KIF21B: variants seen among roughly 807,000 people sequenced by gnomAD.
KIF21B encodes kinesin-like protein KIF21B.
Under a neutral mutation model 192.9 loss-of-function variants are expected in KIF21B, and 85 were observed. The observed-to-expected ratio is 0.44, with a 90% CI of 0.37 to 0.53. KIF21B has a LOEUF of 0.53. Among genes scored for constraint, KIF21B ranks in the 20% least tolerant of loss-of-function variants. KIF21B has a pLI of 0.00. For missense variants in KIF21B, 1,716 were observed against 2,194.8 expected, an observed-to-expected ratio of 0.78 and a Z score of 4.36; for synonymous variants, 832 against 884.6, an observed-to-expected ratio of 0.94 and a Z score of 1.05.
At position 200,975,055 on chromosome 1, in the gene KIF21B, C is replaced by G; in HGVS notation, c.4615-142G>C. ...GCCACACGGGCGGGTGACACTGGTT[C>G]CAGGAGCCATGCTGGGGTGGCCTGT... On this transcript the variant is annotated intron_variant, in intron 33 of 34. Transcript: ENST00000461742. The surrounding 1 kb of genome is among the most constrained non-coding windows in gnomAD (Gnocchi z 4.3). The G allele has an allele frequency of 1.3e-6, 1 of 797,290 alleles. No individual in the cohort carries two copies. Among genetic ancestry groups the G allele is most frequent in the Non-Finnish European group, 2.0e-6 (1 of 499,282 alleles). 49.4% of individuals were successfully genotyped at this position (797,290 alleles called of 1,614,324 possible). A position where few individuals can be genotyped will look rare whatever the true frequency, so the allele number is the denominator to read the frequency against.
intron 3 of KIF21B, among the ~76,000 whole-genome samples, chr1:201,007,041 G>A (rs1436850876): frequency 1.1e-5 from 1 of 92,210 alleles, no homozygotes; most frequent in South Asian, 3.3e-4. Context: ...CAGACACAGA[G>A]ACACATAGAC....
At chr1:201,004,712 G>A (rs1324661501) in intron 6 of KIF21B, 54 bp downstream of exon 6, 1 of 1,605,966 alleles carries the variant, frequency 6.2e-7, no homozygotes, top group Admixed American at 1.7e-5. Context: ...GCCTTGGAGG[G>A]GTCTGAGACT....
chr1:201,003,391 A>G, intron 8 of KIF21B, 195 bp downstream of exon 8: 2 of 624,974 alleles, frequency 3.2e-6, no homozygotes. Context: ...TGCTTGATTC[A>G]CATGGGTGAG....
rs1325073535 is a variant in KIF21B, at chr1:200,982,767, C to T, written c.3842+289G>A. On this transcript the variant is annotated intron_variant, in intron 28 of 34. Transcript: ENST00000461742. The surrounding 1 kb of genome is among the most constrained non-coding windows in gnomAD (Gnocchi z 4.7). ...CCTAGGCCTCCATGCTGCGCCCCTCCCTGCCCAGGTGAGGAGGGAGAAGAG... is the reference window on the plus strand; with the variant it reads ...CCTAGGCCTCCATGCTGCGCCCCTCTCTGCCCAGGTGAGGAGGGAGAAGAG... 6.6e-6 allele frequency among the ~76,000 whole-genome samples: 1 copy of T among 152,182 alleles called. No individual in the cohort carries two copies. Among genetic ancestry groups the T allele is most frequent in the Non-Finnish European group, 1.5e-5 (1 of 68,034 alleles).
In KIF21B at chr1:200,979,724, G is replaced by A. The variant is rs186853909; in HGVS notation, c.3980-9C>T. 1.2e-3 allele frequency: 1,851 copies of A among 1,499,172 alleles called. 5 individuals carry two copies. The highest frequency in any genetic ancestry group is 9.7e-4 in the Non-Finnish European group (1,082 of 1,118,006). The allele number at this position is 1,499,172 out of a possible 1,614,324, so 92.9% of individuals were successfully genotyped here. Reference sequence around the variant, plus strand: ...CATCTTGCAGCTTCGGTCTGTGAGAGATGGGAGGAAGCCACAGGGAGGGGA... The same window carrying A: ...CATCTTGCAGCTTCGGTCTGTGAGAAATGGGAGGAAGCCACAGGGAGGGGA... On this transcript the variant is annotated splice_polypyrimidine_tract_variant and intron_variant, in intron 29 of 34. Transcript: ENST00000461742.
At chr1:201,007,687 GACAC>G (rs1283395523) in intron 3 of KIF21B, among the ~76,000 whole-genome samples, 13 of 142,594 alleles carry the variant, frequency 9.1e-5, no homozygotes, top group Non-Finnish European at 1.7e-4. Flanking sequence ...CACACGCACA[GACAC>G]ACACAGACAG....
chr1:200,986,547 G>T (rs1255572447), intron 26 of KIF21B, among the ~76,000 whole-genome samples: 1 of 151,780 alleles, frequency 6.6e-6, no homozygotes, highest in Non-Finnish European at 1.5e-5. Context: ...TAGTAGAGAT[G>T]ATGTTTCACC....
chr1:200,975,185 A>T lies in KIF21B; in HGVS notation c.4615-272T>A, dbSNP rs1351306684. Among the ~76,000 whole-genome samples, 1 of 152,230 alleles carries T rather than the reference A, an allele frequency of 6.6e-6. No homozygotes were observed. The highest frequency in any genetic ancestry group is 1.5e-5 in the Non-Finnish European group (1 of 68,034). On this transcript the variant is annotated intron_variant, in intron 33 of 34. Coordinates refer to ENST00000461742, the MANE Select transcript of KIF21B (RefSeq NM_001252102.2). The surrounding 1 kb of genome is among the most constrained non-coding windows in gnomAD (Gnocchi z 4.3). Reference sequence around the variant, plus strand: ...GAACCCTTCAGCCCTCACACGGGTCAGGCTAAAACACAAATGCTCCCAGGA... The same window carrying T: ...GAACCCTTCAGCCCTCACACGGGTCTGGCTAAAACACAAATGCTCCCAGGA...
Position 201,004,949 on chromosome 1 carries a change from G to A in KIF21B, c.733-16C>T, listed in dbSNP as rs570331503. 6.3e-7 allele frequency: 1 copy of A among 1,598,540 alleles called. No individual in the cohort carries two copies. The highest frequency in any genetic ancestry group is 1.7e-5 in the Admixed American group (1 of 59,592). ...CCTCATTCACCTGCAGCAGAAGTCA[G>A]CTCTGACTCACCCAGCCCTCGCCCA... is the stretch of plus-strand genomic sequence containing the variant. On this transcript the variant is annotated splice_polypyrimidine_tract_variant and intron_variant, in intron 5 of 34. Transcript: ENST00000461742.
chr1:200,990,077 G>A lies in KIF21B; in HGVS notation c.3031-34C>T. On this transcript the variant is annotated intron_variant, in intron 20 of 34. Transcript: ENST00000461742. The surrounding 1 kb of genome is among the most constrained non-coding windows in gnomAD (Gnocchi z 5.4). ...GGGAGGCAGAGAGCCCCGTCACCTG[G>A]GGCTACCCCTGCCACCCATCTCTCC... 1 of 1,610,938 alleles carries A rather than the reference G, an allele frequency of 6.2e-7. No individual in the cohort carries two copies.
Position 201,003,609 on chromosome 1 carries a change from T to A in KIF21B, c.1189A>T (p.Met397Leu). 6.2e-7 allele frequency: 1 copy of A among 1,614,080 alleles called. No homozygotes were observed. The highest frequency in any genetic ancestry group is 8.5e-7 in the Non-Finnish European group (1 of 1,180,040). Residue 397 changes from methionine (M) to leucine (L), a missense_variant, in exon 8 of 35, where the codon ATG (methionine) becomes TTG (leucine). Physicochemically the swap from Met to Leu is conservative, Grantham distance 15 (BLOSUM62 2). Around this residue, in one of 3 missense-constraint regions of KIF21B, gnomAD observed 1,087 missense variants for 1,316.6 expected, o/e 0.83. Transcript: ENST00000461742. ...ALRAEIARLQ[M>L]ELMEYKAGKR... ...ACCGCCTTATACTCCATCAGCTCCA[T>A]CTGCAGCCGAGCAATCTCAGCCCGC... is the stretch of plus-strand genomic sequence containing the variant.
rs1019856007 is a variant in KIF21B at position 200,998,074 on chromosome 1, A to C, written c.2077+310T>G. On this transcript the variant is annotated intron_variant, in intron 14 of 34. Coordinates refer to ENST00000461742, the MANE Select transcript of KIF21B (RefSeq NM_001252102.2). The surrounding 1 kb of genome is among the most constrained non-coding windows in gnomAD (Gnocchi z 4.3). ...TAAGAACGGTTACAAACAGGTCCAA[A>C]GGAAAAGACCCAAGGAACTGAGTGC... Among the ~76,000 whole-genome samples the C allele has an allele frequency of 1.3e-5, 2 of 152,254 alleles. No homozygotes were observed. Among genetic ancestry groups the C allele is most frequent in the African/African-American group, 4.8e-5 (2 of 41,476 alleles).
At chr1:201,009,219 G>A in intron 2 of KIF21B, 47 bp downstream of exon 2, 1 of 1,548,500 alleles carries the variant, frequency 6.5e-7, no homozygotes, top group Non-Finnish European at 8.9e-7. Context: ...TTGGATGCAG[G>A]GAGACCAAGG....
chr1:201,010,511 C>T (rs996096120), intron 1 of KIF21B, among the ~76,000 whole-genome samples: 3 of 152,142 alleles, frequency 2.0e-5, no homozygotes, highest in Admixed American at 6.5e-5. Flanking sequence ...AGCAAGCATG[C>T]GTGTACAGGG....
intron 4 of KIF21B, 37 bp from the exon 5 acceptor site, chr1:201,005,479 C>T (rs777291642): frequency 1.1e-5 from 18 of 1,595,398 alleles, no homozygotes; most frequent in Admixed American, 1.7e-5. Flanking sequence ...TTGGGACTAC[C>T]GTGGTGCCAG....
In KIF21B at chr1:200,991,726, C is replaced by T. The variant is rs949971991; in HGVS notation, c.2386-1G>A. Reference sequence around the variant, plus strand: ...GGGACTCCAGAGCTCGGATCTGAAACTGTGGGAGACAGAAGAGGGCTGGGC... The same window carrying T: ...GGGACTCCAGAGCTCGGATCTGAAATTGTGGGAGACAGAAGAGGGCTGGGC... On this transcript the variant is annotated splice_acceptor_variant, in intron 16 of 34. Coordinates refer to ENST00000461742, the MANE Select transcript of KIF21B (RefSeq NM_001252102.2). LOFTEE classifies it high-confidence loss of function. The T allele has an allele frequency of 6.2e-7, 1 of 1,613,954 alleles. No homozygotes were observed.
At chr1:201,018,912 G>A (rs1429713168) in intron 1 of KIF21B, among the ~76,000 whole-genome samples, 2 of 152,104 alleles carry the variant, frequency 1.3e-5, no homozygotes, top group South Asian at 2.1e-4. Flanking sequence ...CATCTCTTAG[G>A]TACACTTACA....
Position 200,996,359 on chromosome 1 carries a change from T to C in KIF21B, c.2114A>G (p.Lys705Arg), listed in dbSNP as rs752825828. ...CCTCTTCTCATAGTCTGCCTTGATC[T>C]TGTTGGCCTTCTCCTCAGTATAGCA... ...MECYTEEKAN[K>R]IKADYEKRLR... The change falls in exon 15 of 35, where the codon AAG becomes AGG. Residue 705 changes from lysine to arginine, a missense_variant. Around this residue, in one of 3 missense-constraint regions of KIF21B, gnomAD observed 1,087 missense variants for 1,316.6 expected, o/e 0.83. Transcript: ENST00000461742. The C allele has an allele frequency of 6.2e-7, 1 of 1,614,142 alleles. No individual in the cohort carries two copies. The highest frequency in any genetic ancestry group is 8.5e-7 in the Non-Finnish European group (1 of 1,180,040).
rs1420685079 is a variant in KIF21B, at chr1:200,971,212, T to C, written c.*2309A>G. 6.6e-6 allele frequency: 1 copy of C among 152,534 alleles called. No homozygotes were observed. Among genetic ancestry groups the C allele is most frequent in the Non-Finnish European group, 1.5e-5 (1 of 67,988 alleles). The allele number at this position is 152,534 out of a possible 1,614,324, so 9.4% of individuals were successfully genotyped here. A position where few individuals can be genotyped will look rare whatever the true frequency, so the allele number is the denominator to read the frequency against. Reference sequence around the variant, plus strand: ...AACTCTCATGAAGCACAACTCGGGGTGTCTCATGGATGTTGGGCTCAGGGC... The same window carrying C: ...AACTCTCATGAAGCACAACTCGGGGCGTCTCATGGATGTTGGGCTCAGGGC... On this transcript the variant is annotated 3_prime_UTR_variant, in exon 35 of 35. Transcript: ENST00000461742.
Sources: gnomAD v4.1 joint callset for allele counts (sites outside exome capture counted in the v4.1 genomes callset) on GRCh38, gnomAD v4.1.1 for gene constraint, gnomAD v4.1.1 regional missense constraint, Gnocchi (gnomAD v3.1) non-coding constraint, MANE v1.5 for transcripts, NCBI Gene and HGNC (gene_info 2026-07-23, HGNC 2026-07-21) for gene names.